The following XRCC6 variants were observed in gnomAD, a reference collection of about 807,000 sequenced individuals.
The protein encoded by XRCC6 is X-ray repair cross complementing 6, also known as DNA repair protein Ku70.
XRCC6 carries 5 observed loss-of-function variants against 65.7 expected under a neutral mutation model. That is an observed-to-expected ratio of 0.08 (90% confidence interval 0.04 to 0.16). The LOEUF (loss-of-function observed/expected upper bound fraction) is 0.16, where lower values mean the gene tolerates loss of function less well. Ranked by LOEUF, XRCC6 falls within the 10% of genes least tolerant of loss-of-function variation. The pLI is 1.00. For missense variants in XRCC6, 447 were observed against 738.1 expected, an observed-to-expected ratio of 0.61 and a Z score of 4.57; for synonymous variants, 270 against 270.6, an observed-to-expected ratio of 1.00 and a Z score of 0.02.
intron 3 of XRCC6, among the ~76,000 whole-genome samples, chr22:41,633,087 A>T (rs1216611261): frequency 6.6e-6 from 1 of 152,070 alleles, no homozygotes; most frequent in Non-Finnish European, 1.5e-5. Context: ...AGATGGCACT[A>T]TTGCAGTCCA....
chr22:41,657,119 C>A, intron 10 of XRCC6, 87 bp downstream of exon 10: 1 of 1,441,336 alleles, frequency 6.9e-7, no homozygotes, highest in Non-Finnish European at 9.2e-7. Context: ...GAGAATGGCA[C>A]TACTCTTTTC....
chr22:41,647,036 C>T lies in XRCC6; in HGVS notation c.914C>T (p.Thr305Ile). The T allele has an allele frequency of 3.7e-6, 6 of 1,614,130 alleles. No homozygotes were observed. Among genetic ancestry groups the T allele is most frequent in the Non-Finnish European group, 5.1e-6 (6 of 1,180,022 alleles). The stretch of plus-strand genomic sequence containing the variant: ...AAAACCAAGACCCGGACCTTTAATA[C>T]AAGTACAGGCGGTTTGCTTCTGCCT... Reference protein sequence around the residue: ...PVKTKTRTFNTSTGGLLLPSD... With the variant: ...PVKTKTRTFNISTGGLLLPSD... The change falls in exon 7 of 13, where the codon ACA (threonine) becomes ATA (isoleucine). Residue 305 changes from threonine to isoleucine, a missense_variant. Transcript: ENST00000360079.
In XRCC6 at chr22:41,643,660, A is replaced by G. The variant is rs563501534; in HGVS notation, c.774-3236A>G. Among the ~76,000 whole-genome samples the G allele has an allele frequency of 2.0e-3, 297 of 151,962 alleles. 1 individual carries two copies. The highest frequency in any genetic ancestry group is 6.8e-3 in the African/African-American group (281 of 41,448). On this transcript the variant is annotated intron_variant, in intron 6 of 12. Coordinates refer to ENST00000360079, the MANE Select transcript of XRCC6 (RefSeq NM_001469.5). Reference sequence around the variant, plus strand: ...ACATGGCGAAGCACCGTCTCTACTAAAAATACAAAAATTAGCTGGGCGTGG... The same window carrying G: ...ACATGGCGAAGCACCGTCTCTACTAGAAATACAAAAATTAGCTGGGCGTGG...
rs575399243 is a variant in XRCC6 at position 41,642,787 on chromosome 22, A to G, written c.774-4109A>G. ...TTGTAATTGGTTGCATTTATCGTCA[A>G]CTCTCCTTCAAGCAGCCTTTAGACA... On this transcript the variant is annotated intron_variant, in intron 6 of 12. Coordinates refer to ENST00000360079, the MANE Select transcript of XRCC6 (RefSeq NM_001469.5). Among the ~76,000 whole-genome samples the G allele has an allele frequency of 3.2e-4, 49 of 152,092 alleles. 2 individuals are homozygous for G. The South Asian group carries it at 6.0e-3, about 19-fold the overall frequency.
intron 6 of XRCC6, among the ~76,000 whole-genome samples, chr22:41,641,398 G>A (rs1033440165): frequency 2.0e-5 from 3 of 152,248 alleles, no homozygotes; most frequent in South Asian, 2.1e-4. Flanking sequence ...CATGCAATGC[G>A]TAATAATTAC....
In XRCC6 at chr22:41,647,095, G is replaced by T; in HGVS notation, c.960+13G>T. 6.2e-7 allele frequency: 1 copy of T among 1,611,364 alleles called. No homozygotes were observed. The highest frequency in any genetic ancestry group is 1.1e-5 in the South Asian group (1 of 90,994). On this transcript the variant is annotated intron_variant, in intron 7 of 12. Transcript: ENST00000360079. ...CAAGAGGTCTCAGGTAGGTAGAGATGCCTTTTGTTGTTGTTGTTTTTGAGA... is the reference window on the plus strand; with the variant it reads ...CAAGAGGTCTCAGGTAGGTAGAGATTCCTTTTGTTGTTGTTGTTTTTGAGA...
intron 6 of XRCC6, among the ~76,000 whole-genome samples, chr22:41,638,488 TA>T (rs557196361): frequency 1.6e-3 from 250 of 151,948 alleles, no homozygotes; most frequent in Admixed American, 7.0e-3. Flanking sequence ...AAAGGTACAA[TA>T]AAAATATGAT....
At chr22:41,644,491 T>C (rs2067910833) in intron 6 of XRCC6, among the ~76,000 whole-genome samples, 1 of 152,170 alleles carries the variant, frequency 6.6e-6, no homozygotes, top group Non-Finnish European at 1.5e-5. Flanking sequence ...CAGAACACAT[T>C]TTCTTTTTTT....
At chr22:41,643,454 C>T (rs1045181165) in intron 6 of XRCC6, among the ~76,000 whole-genome samples, 3 of 151,832 alleles carry the variant, frequency 2.0e-5, no homozygotes, top group African/African-American at 4.8e-5. Context: ...AAATTTGTCT[C>T]TGAGCATGGC....
rs1330453852 is a variant in XRCC6 at position 41,653,567 on chromosome 22, C to T, written c.1168C>T (p.Leu390=). ...GTTCAGTGCTCTGCTCATCAAGTGT[C>T]TGGAGAAGGAGGTTGCAGCATTGTG... ...TLFSALLIKC[L]EKEVAALCRY... The change falls in exon 9 of 13, where the codon CTG becomes TTG. Residue 390 remains leucine, a synonymous_variant. Transcript: ENST00000360079. 1.2e-6 allele frequency: 2 copies of T among 1,613,680 alleles called. No homozygotes were observed. The highest frequency in any genetic ancestry group is 2.2e-5 in the East Asian group (1 of 44,890).
Position 41,656,897 on chromosome 22 carries a change from C to A in XRCC6, c.1292-6C>A, listed in dbSNP as rs1404253871. On this transcript the variant is annotated splice_region_variant and splice_polypyrimidine_tract_variant and intron_variant, in intron 9 of 12. Transcript: ENST00000360079. Reference sequence around the variant, plus strand: ...AAATCAAAGAAAATTTATCTCCTTTCTTCAGGCTTCCAGCTGGTCTTTTTA... The same window carrying A: ...AAATCAAAGAAAATTTATCTCCTTTATTCAGGCTTCCAGCTGGTCTTTTTA... The A allele has an allele frequency of 1.2e-6, 2 of 1,612,694 alleles. No homozygotes were observed. Among genetic ancestry groups the A allele is most frequent in the Non-Finnish European group, 1.7e-6 (2 of 1,179,924 alleles).
chr22:41,628,283 T>C (rs1483687670), intron 3 of XRCC6, 53 bp downstream of exon 3: 1 of 1,478,718 alleles, frequency 6.8e-7, no homozygotes, highest in Non-Finnish European at 9.4e-7. Flanking sequence ...TGGCTGGGCA[T>C]GGTGGCGGCT....
At chr22:41,641,293 A>G (rs2067872770) in intron 6 of XRCC6, among the ~76,000 whole-genome samples, 1 of 123,536 alleles carries the variant, frequency 8.1e-6, no homozygotes, top group African/African-American at 2.8e-5. Context: ...GGCCTAGAAA[A>G]ATATTAAACT....
rs1569093009 is a variant in XRCC6, at chr22:41,649,136, A to AT, written c.961-1587_961-1586insT. Among the ~76,000 whole-genome samples, 251 of 122,754 alleles carry AT rather than the reference A, an allele frequency of 2.0e-3. 1 individual carries two copies. Among genetic ancestry groups the AT allele is most frequent in the South Asian group, 0.013 (47 of 3,698 alleles). 80.5% of individuals were successfully genotyped at this position (122,754 alleles called of 152,430 possible). On this transcript the variant is annotated intron_variant, in intron 7 of 12. Transcript: ENST00000360079. The stretch of plus-strand genomic sequence containing the variant: ...CTGGGGAAGAGAGTACAAAAAAAAA[A>AT]AAAATATATATATATATATATATAT...
intron 9 of XRCC6, among the ~76,000 whole-genome samples, chr22:41,655,715 G>GT (rs11434965): frequency 0.3 from 44,337 of 148,764 alleles, 8,320 homozygotes; most frequent in African/African-American, 0.48. Flanking sequence ...AAAAAAAATA[G>GT]TTTTTTCCCC....
At chr22:41,623,360 T>A (rs1052750698) in intron 2 of XRCC6, among the ~76,000 whole-genome samples, 7 of 152,180 alleles carry the variant, frequency 4.6e-5, no homozygotes, top group Admixed American at 1.3e-4. Flanking sequence ...TTTATAGTCA[T>A]GAGCCTCCAT....
chr22:41,642,642 A>T (rs1569089259), intron 6 of XRCC6, among the ~76,000 whole-genome samples: 1 of 152,196 alleles, frequency 6.6e-6, no homozygotes, highest in Non-Finnish European at 1.5e-5. Flanking sequence ...GATTACATTG[A>T]ATCTGTAGAT....
intron 2 of XRCC6, 105 bp downstream of exon 2, chr22:41,622,191 C>T: frequency 8.6e-7 from 1 of 1,166,436 alleles, no homozygotes. Context: ...CCCTTCTCCT[C>T]CCAGATAATT....
chr22:41,642,887 G>C (rs137911759), intron 6 of XRCC6, among the ~76,000 whole-genome samples: 165 of 152,278 alleles, frequency 1.1e-3, no homozygotes, highest in African/African-American at 3.9e-3. Context: ...ACTCATCTGT[G>C]AGTCACATCA....
Sources: allele counts gnomAD v4.1 joint callset (sites outside exome capture counted in the v4.1 genomes callset), GRCh38; gene constraint gnomAD v4.1.1; transcripts MANE v1.5; gene names NCBI Gene and HGNC (gene_info 2026-07-23, HGNC 2026-07-21).